The following MOK variants were observed in gnomAD, a reference collection of about 807,000 sequenced individuals.
MOK encodes the protein MOK protein kinase, also known as MAPK/MAK/MRK overlapping kinase.
A neutral mutation model predicts 54.2 loss-of-function variants in MOK; 59 were observed. The observed-to-expected ratio is 1.09, with a 90% confidence interval of 0.88 to 1.35. MOK has a LOEUF of 1.35. Among genes scored for constraint, MOK ranks in the 40% most tolerant of loss-of-function variants. The pLI is 0.00. For synonymous variants in MOK, 210 were observed against 202.7 expected, an observed-to-expected ratio of 1.04 and a Z score of -0.31; for missense variants, 517 against 526.2, an observed-to-expected ratio of 0.98 and a Z score of 0.17.
In MOK at chr14:102,265,859, G is replaced by T. The variant is rs1490794706; in HGVS notation, c.176C>A (p.Pro59Gln). 6.2e-7 allele frequency: 1 copy of T among 1,613,806 alleles called. No individual in the cohort carries two copies. The highest frequency in any genetic ancestry group is 8.5e-7 in the Non-Finnish European group (1 of 1,179,882). ...REIQALRRLN[P>Q]HPNILMLHEV... is the part of the protein sequence containing the mutation. ...ATGCAACATAAGAATGTTTGGGTGC[G>T]GATTCAGGCGCCTCAGTGCTTGGAT... Residue 59 changes from proline (P) to glutamine (Q), a missense_variant, in exon 3 of 12, where the codon CCG becomes CAG. Pro to Gln is a moderately conservative substitution (Grantham distance 76). Coordinates refer to ENST00000361847, the MANE Select transcript of MOK (RefSeq NM_014226.3).
At chr14:102,239,215 C>T (rs959271290) in intron 7 of MOK, among the ~76,000 whole-genome samples, 4 of 152,032 alleles carry the variant, frequency 2.6e-5, no homozygotes, top group African/African-American at 9.7e-5. Flanking sequence ...CAGGAAAAGT[C>T]GAAAGGGCAA....
chr14:102,224,494 A>G, downstream of MOK: 1 of 444,162 alleles, frequency 2.3e-6, no homozygotes, highest in South Asian at 1.6e-5. Flanking sequence ...ATCATATACA[A>G]CTGGATCCTT....
chr14:102,261,375 C>T (rs1392801560), intron 4 of MOK, among the ~76,000 whole-genome samples: 7 of 86,578 alleles, frequency 8.1e-5, no homozygotes, highest in Admixed American at 3.5e-4. Context: ...GCTGAGATCG[C>T]GCCACGTCTC....
intron 1 of MOK, among the ~76,000 whole-genome samples, chr14:102,297,553 T>A (rs980250841): frequency 6.6e-6 from 1 of 152,198 alleles, no homozygotes; most frequent in Non-Finnish European, 1.5e-5. Context: ...CGGTGCCCAC[T>A]CTGGCCACGC....
rs752841752 is a variant in MOK, at chr14:102,245,851, G to T, written c.590+4961C>A. Among the ~76,000 whole-genome samples, 176 of 151,962 alleles carry T rather than the reference G, an allele frequency of 1.2e-3. 2 individuals carry two copies. Among genetic ancestry groups the T allele is most frequent in the Non-Finnish European group, 3.1e-4 (21 of 67,988 alleles). On this transcript the variant is annotated intron_variant, in intron 7 of 11. Coordinates refer to ENST00000361847, the MANE Select transcript of MOK (RefSeq NM_014226.3). This position sits in a 1 kb window ranked among gnomAD's most constrained non-coding sequence, Gnocchi z 4.3. ...CAGGTTAAAGAGAGCTCCCACCTCCGATCCTCCAACCAGCACCTCACCAAC... is the reference window on the plus strand; with the variant it reads ...CAGGTTAAAGAGAGCTCCCACCTCCTATCCTCCAACCAGCACCTCACCAAC...
chr14:102,288,620 ATAGT>A (rs1319384269), intron 1 of MOK, among the ~76,000 whole-genome samples: 1 of 152,234 alleles, frequency 6.6e-6, no homozygotes, highest in Non-Finnish European at 1.5e-5. Context: ...ACATTAGATT[ATAGT>A]TATAGTTACA....
In MOK at chr14:102,232,689, C is replaced by T; in HGVS notation, c.712G>A (p.Asp238Asn). The T allele has an allele frequency of 2.5e-6, 4 of 1,613,652 alleles. No individual in the cohort carries two copies. Among genetic ancestry groups the T allele is most frequent in the Non-Finnish European group, 3.4e-6 (4 of 1,179,738 alleles). Residue 238 changes from aspartate to asparagine, a missense_variant, in exon 9 of 12, where the codon GAT becomes AAT. Asp to Asn is a conservative substitution (Grantham distance 23, BLOSUM62 1). Transcript: ENST00000361847. This position sits in a 1 kb window ranked among gnomAD's most constrained non-coding sequence, Gnocchi z 5.1. ...CCTGATCCCTTTTTAAAAGGAAAAT[C>T]AAAATTCATAGCTCTCGACCTGTAT... ...KFKQSRAMNF[D>N]FPFKKGSGIP...
In MOK at chr14:102,236,250, C is replaced by G. The variant is rs118133087; in HGVS notation, c.591-2461G>C. On this transcript the variant is annotated intron_variant, in intron 7 of 11. Transcript: ENST00000361847. The surrounding 1 kb of genome is among the most constrained non-coding windows in gnomAD (Gnocchi z 4.5). ...CCGGGCCCAGGGCCCCCGGCCCCAT[C>G]TGCCATCACTGCATTGGAGCCCAGG... Among the ~76,000 whole-genome samples, 660 of 152,388 alleles carry G rather than the reference C, an allele frequency of 4.3e-3. 1 individual carries two copies. The highest frequency in any genetic ancestry group is 7.3e-3 in the Non-Finnish European group (494 of 68,038).
At chr14:102,275,585 T>C (rs1226453129) in intron 2 of MOK, among the ~76,000 whole-genome samples, 1 of 140,158 alleles carries the variant, frequency 7.1e-6, no homozygotes, top group South Asian at 2.2e-4. Context: ...AAAAAAAAGA[T>C]GGATCACAGA....
intron 1 of MOK, among the ~76,000 whole-genome samples, chr14:102,295,424 G>C (rs2071323916): frequency 6.6e-6 from 1 of 152,160 alleles, no homozygotes. Flanking sequence ...TCACGTTCAA[G>C]TCCAAACATT....
intron 4 of MOK, 50 bp from the exon 5 acceptor site, chr14:102,252,045 T>C (rs1195342659): frequency 9.9e-7 from 1 of 1,007,320 alleles, no homozygotes; most frequent in Admixed American, 2.3e-5. Context: ...GTACATATCC[T>C]CTTTTTTGAA....
intron 1 of MOK, among the ~76,000 whole-genome samples, chr14:102,298,960 T>G (rs939805384): frequency 6.6e-6 from 1 of 151,990 alleles, no homozygotes; most frequent in African/African-American, 2.4e-5. Context: ...CTGAAGCCAG[T>G]GAGACCACGA....
At chr14:102,270,838 T>A (rs1268265726) in intron 2 of MOK, among the ~76,000 whole-genome samples, 1 of 152,204 alleles carries the variant, frequency 6.6e-6, no homozygotes, top group African/African-American at 2.4e-5. Context: ...GTGGTGACAG[T>A]TGCACAGCCG....
At chr14:102,286,430 G>A (rs2070105993) in intron 1 of MOK, among the ~76,000 whole-genome samples, 1 of 151,670 alleles carries the variant, frequency 6.6e-6, no homozygotes, top group Admixed American at 6.6e-5. Flanking sequence ...GGCCAAGTTG[G>A]GCAACATAGA....
chr14:102,273,165 G>A (rs1427053339), intron 2 of MOK, among the ~76,000 whole-genome samples: 29 of 150,164 alleles, frequency 1.9e-4, no homozygotes, highest in Admixed American at 1.6e-3. Flanking sequence ...GCAAAACTCC[G>A]TCTCAAAAAA....
chr14:102,234,466 G>A (rs111502400), intron 7 of MOK, among the ~76,000 whole-genome samples: 140 of 152,226 alleles, frequency 9.2e-4, no homozygotes, highest in Middle Eastern at 3.4e-3. Context: ...GCTGGGCCAA[G>A]GGCTTCCTCC....
chr14:102,283,588 A>C lies in MOK; in HGVS notation c.12T>G (p.Tyr4Ter), dbSNP rs1465670482. ...CCTCTCCTATTTTGCCAATTGCTTT[A>C]TAGTCTATAAATAAAAATGATTACA... is the stretch of plus-strand genomic sequence containing the variant. MKN[Y>*]KAIGKIGEGT... is the part of the protein sequence containing the mutation. Residue 4 changes from tyrosine to a stop codon, truncating the protein, a stop_gained, in exon 2 of 12, where the codon TAT (tyrosine) becomes TAG (stop). Coordinates refer to ENST00000361847, the MANE Select transcript of MOK (RefSeq NM_014226.3). LOFTEE classifies it high-confidence loss of function. 6.3e-7 allele frequency: 1 copy of C among 1,593,726 alleles called. No homozygotes were observed. The highest frequency in any genetic ancestry group is 1.3e-5 in the African/African-American group (1 of 74,232).
chr14:102,272,358 C>T (rs1041672263), intron 2 of MOK, among the ~76,000 whole-genome samples: 5 of 152,004 alleles, frequency 3.3e-5, no homozygotes, highest in East Asian at 1.9e-4. Context: ...CATGGTGGCA[C>T]GCGCCTGTAA....
the MOK span, among the ~76,000 whole-genome samples, chr14:102,216,316 T>G: frequency 6.6e-6 from 1 of 152,176 alleles, no homozygotes; most frequent in African/African-American, 2.4e-5. Context: ...CAGGGCGTTT[T>G]GGTTTGTGTT....
Sources: gnomAD v4.1 joint callset for allele counts (sites outside exome capture counted in the v4.1 genomes callset) on GRCh38, gnomAD v4.1.1 for gene constraint, Gnocchi (gnomAD v3.1) non-coding constraint, MANE v1.5 for transcripts, NCBI Gene and HGNC (gene_info 2026-07-23, HGNC 2026-07-21) for gene names.